LRFN5: variants seen among roughly 807,000 people sequenced by gnomAD.
LRFN5 encodes leucine rich repeat and fibronectin type III domain containing 5, also known as leucine-rich repeat and fibronectin type-III domain-containing protein 5.
Under a neutral mutation model 45.6 loss-of-function variants are expected in LRFN5, and 24 were observed. The observed-to-expected ratio is 0.53, with a 90% CI of 0.38 to 0.74. The LOEUF is 0.74. Ranked by LOEUF, LRFN5 falls within the 30% of genes least tolerant of loss-of-function variation. LRFN5 has a pLI of 0.00. For missense variants in LRFN5, 776 were observed against 861.5 expected (o/e 0.90, Z 1.24); for synonymous variants, 340 against 313.8 (o/e 1.08, Z -0.88).
intron 2 of LRFN5, among the ~76,000 whole-genome samples, chr14:41,791,843 T>G (rs543836436): frequency 6.6e-6 from 1 of 152,108 alleles, no homozygotes; most frequent in African/African-American, 2.4e-5. Context: ...AGATAAGACT[T>G]TTGAATGTCA....
At chr14:41,742,312 T>TAC (rs61109523) in intron 1 of LRFN5, among the ~76,000 whole-genome samples, 62,365 of 144,972 alleles carry the variant, frequency 0.43, 14,071 homozygotes, top group Middle Eastern at 0.6. Flanking sequence ...GTGGTGTGTA[T>TAC]ACACACACAC....
intron 1 of LRFN5, among the ~76,000 whole-genome samples, chr14:41,717,172 G>A (rs1198217187): frequency 2.6e-5 from 4 of 152,160 alleles, no homozygotes; most frequent in Non-Finnish European, 5.9e-5. Flanking sequence ...TGTAAATGGT[G>A]AAGATTCTAC....
chr14:41,891,332 T>A lies in LRFN5; in HGVS notation c.1468T>A (p.Tyr490Asn). 6.2e-7 allele frequency: 1 copy of A among 1,614,140 alleles called. No homozygotes were observed. The change falls in exon 4 of 6, where the codon TAT becomes AAT. Residue 490 changes from tyrosine to asparagine, a missense_variant. Tyr to Asn is a moderately radical substitution (Grantham distance 143). Transcript: ENST00000298119. ...GTATGACTTGTGTGTCTTGGCCATA[T>A]ATGATGATGGCATCACTTCCCTCAC... ...TMYDLCVLAIYDDGITSLTAT... is the reference protein window; with the variant it reads ...TMYDLCVLAINDDGITSLTAT...
chr14:41,874,144 A>G (rs980100916), intron 2 of LRFN5, among the ~76,000 whole-genome samples: 2 of 152,200 alleles, frequency 1.3e-5, no homozygotes, highest in African/African-American at 4.8e-5. Context: ...AGGTAGCAGC[A>G]TGATGATTTC....
intron 1 of LRFN5, among the ~76,000 whole-genome samples, chr14:41,672,409 C>T (rs1032539438): frequency 1.3e-5 from 2 of 152,048 alleles, no homozygotes; most frequent in Non-Finnish European, 2.9e-5. Context: ...ATATACTTCT[C>T]TGTGTACTTC....
chr14:41,727,006 T>C (rs189482320), intron 1 of LRFN5, among the ~76,000 whole-genome samples: 7 of 152,324 alleles, frequency 4.6e-5, no homozygotes, highest in African/African-American at 1.7e-4. Flanking sequence ...AACGAGGTCA[T>C]AACATCTTGG....
chr14:41,816,143 C>A (rs1007959950), intron 2 of LRFN5, among the ~76,000 whole-genome samples: 16 of 151,528 alleles, frequency 1.1e-4, no homozygotes, highest in African/African-American at 3.9e-4. Flanking sequence ...TGTTCCTATT[C>A]TTCCTCCCCT....
At chr14:41,904,115 T>C in intron 5 of LRFN5, 43 bp from the exon 6 acceptor site, 1 of 1,492,388 alleles carries the variant, frequency 6.7e-7, no homozygotes, top group Admixed American at 1.7e-5. Flanking sequence ...CTTTCTTTCT[T>C]CCTTTCTTTC....
intron 2 of LRFN5, among the ~76,000 whole-genome samples, chr14:41,839,855 T>C: frequency 6.6e-6 from 1 of 152,132 alleles, no homozygotes; most frequent in South Asian, 2.1e-4. Context: ...TAAAGCATGC[T>C]GTGTGCACAT....
chr14:41,737,764 A>G (rs144227146), intron 1 of LRFN5, among the ~76,000 whole-genome samples: 68 of 152,274 alleles, frequency 4.5e-4, no homozygotes, highest in Non-Finnish European at 8.1e-4. Flanking sequence ...CAAAGAGAAT[A>G]AAGTACCTAG....
At chr14:41,764,330 G>A (rs1232449497) in intron 1 of LRFN5, among the ~76,000 whole-genome samples, 1 of 152,040 alleles carries the variant, frequency 6.6e-6, no homozygotes, top group Non-Finnish European at 1.5e-5. Flanking sequence ...ATAGAAATAT[G>A]TATTTACCTC....
chr14:41,756,121 C>A (rs1288955644), intron 1 of LRFN5, among the ~76,000 whole-genome samples: 1 of 152,186 alleles, frequency 6.6e-6, no homozygotes, highest in Admixed American at 6.5e-5. Flanking sequence ...TGTAGAGTAT[C>A]TGCCGAGAGA....
At chr14:41,633,722 A>G (rs1888629137) in intron 1 of LRFN5, among the ~76,000 whole-genome samples, 1 of 152,162 alleles carries the variant, frequency 6.6e-6, no homozygotes, top group Non-Finnish European at 1.5e-5. Context: ...TGTTTTCTGT[A>G]ATTTTTGTAA....
At chr14:41,804,971 T>A (rs1887468893) in intron 2 of LRFN5, among the ~76,000 whole-genome samples, 1 of 152,110 alleles carries the variant, frequency 6.6e-6, no homozygotes, top group Non-Finnish European at 1.5e-5. Context: ...TAGCTATTAA[T>A]TGTAAATATC....
At chr14:41,895,036 C>T in intron 4 of LRFN5, 1 of 984,370 alleles carries the variant, frequency 1.0e-6, no homozygotes, top group Non-Finnish European at 1.2e-6. Context: ...ATTATAGTTT[C>T]AGCTTGTTCA....
At chr14:41,724,727 T>C (rs1275374355) in intron 1 of LRFN5, among the ~76,000 whole-genome samples, 6 of 152,180 alleles carry the variant, frequency 3.9e-5, no homozygotes, top group Non-Finnish European at 5.9e-5. Context: ...AATTATTGTA[T>C]GTGATAATTA....
At chr14:41,720,228 A>G (rs1361496347) in intron 1 of LRFN5, among the ~76,000 whole-genome samples, 1 of 152,110 alleles carries the variant, frequency 6.6e-6, no homozygotes, top group Non-Finnish European at 1.5e-5. Flanking sequence ...TACTTAGGAT[A>G]ATGGTATCTA....
chr14:41,656,333 C>T (rs957958279), intron 1 of LRFN5, among the ~76,000 whole-genome samples: 1 of 151,964 alleles, frequency 6.6e-6, no homozygotes, highest in Non-Finnish European at 1.5e-5. Flanking sequence ...TATGCTAATC[C>T]TACCCACTTA....
intron 2 of LRFN5, among the ~76,000 whole-genome samples, chr14:41,885,607 A>T (rs1002596512): frequency 1.3e-5 from 2 of 152,192 alleles, no homozygotes; most frequent in African/African-American, 2.4e-5. Flanking sequence ...AATTATCTTT[A>T]AAAATCCACA....
Sources: gnomAD v4.1 joint callset for allele counts (sites outside exome capture counted in the v4.1 genomes callset) on GRCh38, gnomAD v4.1.1 for gene constraint, MANE v1.5 for transcripts, NCBI Gene and HGNC (gene_info 2026-07-23, HGNC 2026-07-21) for gene names.